The following MSH4 variants were observed in gnomAD, a reference collection of about 807,000 sequenced individuals.
The protein encoded by MSH4 is mutS protein homolog 4.
In MSH4, 106 loss-of-function variants were observed where a neutral mutation model predicts 113.7. That is an observed-to-expected ratio of 0.93 (90% CI 0.80 to 1.10). MSH4 has a LOEUF of 1.10. Among genes scored for constraint, MSH4 ranks in the 50% least tolerant of loss-of-function variants. The probability of loss-of-function intolerance (pLI) is 0.00; values close to 1 mark genes in which losing one functional copy is unlikely to be tolerated. For missense variants in MSH4, 1,061 were observed against 1,093.7 expected, an observed-to-expected ratio of 0.97 and a Z score of 0.42; for synonymous variants, 368 against 380.2, an observed-to-expected ratio of 0.97 and a Z score of 0.37.
intron 6 of MSH4, among the ~76,000 whole-genome samples, chr1:75,818,981 C>T (rs201293983): frequency 5.3e-5 from 8 of 151,950 alleles, no homozygotes; most frequent in East Asian, 1.9e-4. Context: ...TTAGCCAGGA[C>T]GGTCTCGATC....
intron 8 of MSH4, among the ~76,000 whole-genome samples, chr1:75,863,183 T>C (rs1189611803): frequency 2.0e-5 from 3 of 152,204 alleles, no homozygotes; most frequent in African/African-American, 7.2e-5. Context: ...ATTCTATGAT[T>C]CATTTTAGTA....
chr1:75,870,500 A>G (rs1165821563), intron 9 of MSH4, among the ~76,000 whole-genome samples: 4 of 152,160 alleles, frequency 2.6e-5, no homozygotes, highest in Non-Finnish European at 5.9e-5. Context: ...TAATCCCCAC[A>G]TGTCAAAGGC....
At chr1:75,885,779 A>T (rs1416400805) in intron 15 of MSH4, among the ~76,000 whole-genome samples, 3 of 116,406 alleles carry the variant, frequency 2.6e-5, no homozygotes, top group African/African-American at 6.8e-5. Flanking sequence ...ATAATGTATT[A>T]TATAGTATAT....
At position 75,899,715 on chromosome 1, in the gene MSH4, CTTTGTTCTTA is replaced by C. The variant is rs1652467744; in HGVS notation, c.2619+19_2619+28del. The C allele has an allele frequency of 6.8e-7, 1 of 1,461,062 alleles. No homozygotes were observed. The highest frequency in any genetic ancestry group is 1.5e-5 in the African/African-American group (1 of 67,680). The allele number at this position is 1,461,062 out of a possible 1,614,324, so 90.5% of individuals were successfully genotyped here. ...TTACGAGACAAATTTTGGTAAGAAA[CTTTGTTCTTA>C]TTTGTTCTTCAAATTAAAAAAAATA... On this transcript the variant is annotated intron_variant, in intron 19 of 19. Coordinates refer to ENST00000263187, the MANE Select transcript of MSH4 (RefSeq NM_002440.4).
intron 8 of MSH4, among the ~76,000 whole-genome samples, chr1:75,865,012 C>T (rs978744058): frequency 6.6e-6 from 1 of 152,016 alleles, no homozygotes; most frequent in Non-Finnish European, 1.5e-5. Flanking sequence ...TTTTCCTTAC[C>T]TCTGGAGATA....
intron 7 of MSH4, among the ~76,000 whole-genome samples, chr1:75,829,638 G>T (rs1557499639): frequency 6.6e-6 from 1 of 152,214 alleles, no homozygotes; most frequent in Non-Finnish European, 1.5e-5. Flanking sequence ...AATATTTGCT[G>T]TTCCGCAGCC....
At chr1:75,814,283 T>C (rs1001914355) in intron 4 of MSH4, among the ~76,000 whole-genome samples, 5 of 114,084 alleles carry the variant, frequency 4.4e-5, no homozygotes, top group African/African-American at 1.7e-4. Context: ...TGAGAACTTA[T>C]CTCTGCTCAA....
At chr1:75,868,925 A>G (rs977877672) in intron 9 of MSH4, among the ~76,000 whole-genome samples, 1 of 152,222 alleles carries the variant, frequency 6.6e-6, no homozygotes, top group Non-Finnish European at 1.5e-5. Context: ...GAACAGACTG[A>G]TACAGTAAAT....
intron 8 of MSH4, among the ~76,000 whole-genome samples, chr1:75,857,636 C>T (rs1234320942): frequency 2.6e-5 from 4 of 151,980 alleles, no homozygotes; most frequent in African/African-American, 7.3e-5. Context: ...CGTTCTGTTC[C>T]GTTGGTCTAT....
At chr1:75,841,157 T>TTCCCTCCCTCCC (rs5745393) in intron 7 of MSH4, among the ~76,000 whole-genome samples, 2 of 132,430 alleles carry the variant, frequency 1.5e-5, no homozygotes, top group Non-Finnish European at 3.2e-5. Flanking sequence ...AGTCATTTCC[T>TTCCCTCCCTCCC]TCCCTCCCTC....
At chr1:75,847,279 C>T (rs1472118842) in intron 7 of MSH4, among the ~76,000 whole-genome samples, 1 of 152,150 alleles carries the variant, frequency 6.6e-6, no homozygotes, top group Admixed American at 6.6e-5. Context: ...ACAAGTATTA[C>T]CTCACTTAAT....
At position 75,805,383 on chromosome 1, in the gene MSH4, GT is replaced by G. The variant is rs35951661; in HGVS notation, c.427+1485del. On this transcript the variant is annotated intron_variant, in intron 2 of 19. Coordinates refer to ENST00000263187, the MANE Select transcript of MSH4 (RefSeq NM_002440.4). ...TTATTTTTTTTAATTACCATTTTTT[GT>G]TTTTTTTTTTTTTTGGTTTTTGAGA... Among the ~76,000 whole-genome samples the G allele has an allele frequency of 8.2e-3, 1,015 of 123,244 alleles. 5 individuals are homozygous for G. The highest frequency in any genetic ancestry group is 0.022 in the East Asian group (99 of 4,432). The allele number at this position is 123,244 out of a possible 152,430, so 80.9% of individuals were successfully genotyped here. A position where few individuals can be genotyped will look rare whatever the true frequency, so the allele number is the denominator to read the frequency against.
chr1:75,805,293 CTTA>C (rs1247653245), intron 2 of MSH4, among the ~76,000 whole-genome samples: 1 of 151,702 alleles, frequency 6.6e-6, no homozygotes, highest in Non-Finnish European at 1.5e-5. Flanking sequence ...TTCTGAGTCT[CTTA>C]TTATTTCCTT....
intron 19 of MSH4, among the ~76,000 whole-genome samples, chr1:75,907,684 C>CTCTCTATATATATA (rs1307238647): frequency 6.4e-5 from 3 of 46,574 alleles, no homozygotes; most frequent in African/African-American, 2.0e-4. Context: ...CTCTCTCTCT[C>CTCTCTATATATATA]TATACATATA....
At chr1:75,833,329 A>G (rs1650749469) in intron 7 of MSH4, among the ~76,000 whole-genome samples, 1 of 152,246 alleles carries the variant, frequency 6.6e-6, no homozygotes, top group Admixed American at 6.5e-5. Flanking sequence ...ATGGATAGGA[A>G]GAATCAATAT....
At chr1:75,815,780 C>G (rs1650280766) in intron 5 of MSH4, among the ~76,000 whole-genome samples, 2 of 151,988 alleles carry the variant, frequency 1.3e-5, no homozygotes, top group South Asian at 2.1e-4. Context: ...CCTGAAATCC[C>G]AGCACTTCGG....
At chr1:75,895,284 A>C (rs1331124821) in intron 17 of MSH4, among the ~76,000 whole-genome samples, 1 of 152,190 alleles carries the variant, frequency 6.6e-6, no homozygotes, top group Non-Finnish European at 1.5e-5. Flanking sequence ...TGTCTGCAAT[A>C]CAGAAGATTC....
intron 18 of MSH4, among the ~76,000 whole-genome samples, chr1:75,898,558 G>T (rs113521086): frequency 0.13 from 19,316 of 144,272 alleles, 1,448 homozygotes; most frequent in East Asian, 0.26. Flanking sequence ...TCACTCTGTC[G>T]CCCAGGCTGG....
chr1:75,878,916 T>G (rs1487478971), intron 11 of MSH4, 76 bp from the exon 12 acceptor site: 1 of 1,320,520 alleles, frequency 7.6e-7, no homozygotes, highest in African/African-American at 1.5e-5. Context: ...ATGTGACTCT[T>G]TAAAACAGAG....
Sources: gnomAD v4.1 joint callset for allele counts (sites outside exome capture counted in the v4.1 genomes callset) on GRCh38, gnomAD v4.1.1 for gene constraint, MANE v1.5 for transcripts, NCBI Gene and HGNC (gene_info 2026-07-23, HGNC 2026-07-21) for gene names.